The following HAUS2 variants were observed in gnomAD, a reference collection of about 807,000 sequenced individuals.
HAUS2 encodes the protein HAUS augmin like complex subunit 2.
In HAUS2, 20 loss-of-function variants were observed where a neutral mutation model predicts 21.6. The observed-to-expected ratio is 0.93, with a 90% CI of 0.65 to 1.35. The LOEUF (loss-of-function observed/expected upper bound fraction) is 1.35, where lower values mean the gene tolerates loss of function less well. HAUS2 is among the 40% of genes most tolerant of loss of function. The pLI is 0.00. For synonymous variants in HAUS2, 113 were observed against 95.6 expected, an observed-to-expected ratio of 1.18 and a Z score of -1.06; for missense variants, 297 against 280.7, an observed-to-expected ratio of 1.06 and a Z score of -0.42.
At chr15:42,555,755 G>C (rs2057766391) in intron 1 of HAUS2, among the ~76,000 whole-genome samples, 1 of 152,080 alleles carries the variant, frequency 6.6e-6, no homozygotes, top group African/African-American at 2.4e-5. Context: ...TCATAAAATT[G>C]ATTATTTTTG....
chr15:42,556,098 G>A (rs965412803), intron 1 of HAUS2, among the ~76,000 whole-genome samples: 2 of 150,608 alleles, frequency 1.3e-5, no homozygotes, highest in Middle Eastern at 3.2e-3. Flanking sequence ...TGGGATTACA[G>A]GCGCCTGCCA....
chr15:42,548,921 G>C lies in HAUS2; in HGVS notation c.49G>C (p.Gly17Arg). 6.4e-7 allele frequency: 1 copy of C among 1,552,066 alleles called. No individual in the cohort carries two copies. Among genetic ancestry groups the C allele is most frequent in the Non-Finnish European group, 8.7e-7 (1 of 1,147,140 alleles). ...WDPASAPNGA[G>R]LVLGHFIASG... The stretch of plus-strand genomic sequence containing the variant: ...CCCGGCGTCCGCGCCTAACGGCGCT[G>C]GGCTAGTGCTAGGCCACTTCATAGC... Residue 17 changes from glycine to arginine, a missense_variant, in exon 1 of 6, where the codon GGG becomes CGG. Transcript: ENST00000260372.
Position 42,558,087 on chromosome 15 carries a change from G to A in HAUS2, c.94-111G>A, listed in dbSNP as rs537498284. ...TTTACTTTGTACTTCATGTTCAAAG[G>A]CAGTGTTGAACATAATATTTTCTCA... On this transcript the variant is annotated intron_variant, in intron 1 of 5. Transcript: ENST00000260372. The A allele has an allele frequency of 3.0e-4, 178 of 603,194 alleles. 3 individuals carry two copies. In the South Asian group the frequency reaches 3.5e-3, roughly 12 times the overall value. The allele number at this position is 603,194 out of a possible 1,614,324, so 37.4% of individuals were successfully genotyped here.
chr15:42,566,465 A>C, intron 5 of HAUS2, 142 bp from the exon 6 acceptor site: 1 of 612,704 alleles, frequency 1.6e-6, no homozygotes, highest in Non-Finnish European at 2.9e-6. Context: ...TACTGTAAGA[A>C]GTGGGAAAGC....
rs192256074 is a variant in HAUS2 at position 42,567,101 on chromosome 15, T to A, written c.*285T>A. 41 of 270,424 alleles carry A rather than the reference T, an allele frequency of 1.5e-4. No individual in the cohort carries two copies. The highest frequency in any genetic ancestry group is 7.8e-4 in the African/African-American group (34 of 43,710). The allele number at this position is 270,424 out of a possible 1,614,324, so 16.8% of individuals were successfully genotyped here. On this transcript the variant is annotated 3_prime_UTR_variant, in exon 6 of 6. Transcript: ENST00000260372. ...TCTCAGGTGGGAAATTCTCTTTTTT[T>A]AAAAATGTGTGTTTATCGTCTGGTG...
At chr15:42,562,968 C>T (rs1285589420) in intron 4 of HAUS2, among the ~76,000 whole-genome samples, 3 of 152,022 alleles carry the variant, frequency 2.0e-5, no homozygotes, top group African/African-American at 7.3e-5. Flanking sequence ...CAAAAATTAA[C>T]TGAATATAGT....
At chr15:42,564,575 A>G (rs1467112447) in intron 5 of HAUS2, among the ~76,000 whole-genome samples, 1 of 152,200 alleles carries the variant, frequency 6.6e-6, no homozygotes, top group Non-Finnish European at 1.5e-5. Context: ...CCATCTATTG[A>G]GCATAGAAAA....
chr15:42,553,068 C>T (rs113421622), intron 1 of HAUS2, among the ~76,000 whole-genome samples: 7,014 of 150,688 alleles, frequency 0.047, 548 homozygotes, highest in African/African-American at 0.16. Flanking sequence ...CTCACCACAA[C>T]CTCCGCCTCC....
At chr15:42,554,568 G>A (rs2057753709) in intron 1 of HAUS2, among the ~76,000 whole-genome samples, 2 of 150,282 alleles carry the variant, frequency 1.3e-5, no homozygotes, top group Non-Finnish European at 3.0e-5. Flanking sequence ...ACAGCTTACT[G>A]CAGCCTCAGC....
At chr15:42,553,207 G>C (rs534516070) in intron 1 of HAUS2, among the ~76,000 whole-genome samples, 3 of 152,010 alleles carry the variant, frequency 2.0e-5, no homozygotes, top group African/African-American at 7.2e-5. Flanking sequence ...GGCAGTTCTC[G>C]AACTCCTGAC....
In HAUS2 at chr15:42,566,587, T is replaced by A. The variant is rs763645505; in HGVS notation, c.499-20T>A. On this transcript the variant is annotated intron_variant, in intron 5 of 5. Transcript: ENST00000260372. ...AATAAGAGACATAATTTCTCCTGTT[T>A]CCCTTTTCAAATGTTACAGAACCAG... The A allele has an allele frequency of 1.2e-5, 16 of 1,327,232 alleles. No individual in the cohort carries two copies. The South Asian group carries it at 1.9e-4, about 16-fold the overall frequency. 82.2% of individuals were successfully genotyped at this position (1,327,232 alleles called of 1,614,324 possible). A position where few individuals can be genotyped will look rare whatever the true frequency, so the allele number is the denominator to read the frequency against.
chr15:42,563,865 T>A lies in HAUS2; in HGVS notation c.498+8T>A. ...GCAAATCTAAAGAAAATGGTGAGTATTAATATAGCAATCTTCAGTTATTTT... is the reference window on the plus strand; with the variant it reads ...GCAAATCTAAAGAAAATGGTGAGTAATAATATAGCAATCTTCAGTTATTTT... On this transcript the variant is annotated splice_region_variant and intron_variant, in intron 5 of 5. Coordinates refer to ENST00000260372, the MANE Select transcript of HAUS2 (RefSeq NM_018097.3). 8.4e-7 allele frequency: 1 copy of A among 1,188,644 alleles called. No homozygotes were observed. Among genetic ancestry groups the A allele is most frequent in the Non-Finnish European group, 1.2e-6 (1 of 808,102 alleles). 73.6% of individuals were successfully genotyped at this position (1,188,644 alleles called of 1,614,324 possible).
Position 42,563,793 on chromosome 15 carries a change from G to A in HAUS2, c.434G>A (p.Arg145Lys). ...GAGTTGGCTGTGACTTTCATTGAGA[G>A]ATTAGAAACCCACCTTGAAACAATT... ...LLELAVTFIE[R>K]LETHLETIRN... The change falls in exon 5 of 6, where the codon AGA (arginine) becomes AAA (lysine). Residue 145 changes from arginine (R) to lysine (K), a missense_variant. By Grantham distance (26) the Arg-to-Lys change is conservative. Coordinates refer to ENST00000260372, the MANE Select transcript of HAUS2 (RefSeq NM_018097.3). The A allele has an allele frequency of 6.3e-7, 1 of 1,583,658 alleles. No homozygotes were observed. The highest frequency in any genetic ancestry group is 8.6e-7 in the Non-Finnish European group (1 of 1,158,114).
At position 42,568,099 on chromosome 15, in the gene HAUS2, G is replaced by A. The variant is rs2057924161; in HGVS notation, c.*1283G>A. The A allele has an allele frequency of 6.6e-6, 1 of 152,058 alleles. No homozygotes were observed. Among genetic ancestry groups the A allele is most frequent in the African/African-American group, 2.4e-5 (1 of 41,400 alleles). 9.4% of individuals were successfully genotyped at this position (152,058 alleles called of 1,614,324 possible). A position where few individuals can be genotyped will look rare whatever the true frequency, so the allele number is the denominator to read the frequency against. On this transcript the variant is annotated 3_prime_UTR_variant, in exon 6 of 6. Transcript: ENST00000260372. ...CTATGATGATTATTCCTGTGGGAAT[G>A]TCACTAAGTATGCAGAAAAGAGTAA...
chr15:42,555,288 C>G (rs1032372779), intron 1 of HAUS2, among the ~76,000 whole-genome samples: 1 of 151,910 alleles, frequency 6.6e-6, no homozygotes, highest in Non-Finnish European at 1.5e-5. Flanking sequence ...GCCCGGCTGC[C>G]TGGCTAATTT....
chr15:42,566,194 C>A (rs936190654), intron 5 of HAUS2, among the ~76,000 whole-genome samples: 1 of 149,936 alleles, frequency 6.7e-6, no homozygotes, highest in Non-Finnish European at 1.5e-5. Flanking sequence ...GAGTGAGACA[C>A]CATCTCAAAA....
At chr15:42,556,943 C>G (rs1035629109) in intron 1 of HAUS2, among the ~76,000 whole-genome samples, 2 of 151,564 alleles carry the variant, frequency 1.3e-5, no homozygotes, top group Non-Finnish European at 2.9e-5. Context: ...ATTTGGGAAG[C>G]TAAGGCAGGA....
At chr15:42,561,573 C>G (rs1299861270) in intron 4 of HAUS2, 171 bp downstream of exon 4, 1 of 505,768 alleles carries the variant, frequency 2.0e-6, no homozygotes, top group Non-Finnish European at 3.5e-6. Context: ...AACCATTATA[C>G]CTATGGCAAA....
At chr15:42,559,684 A>T (rs1420124173) in intron 3 of HAUS2, among the ~76,000 whole-genome samples, 1 of 152,224 alleles carries the variant, frequency 6.6e-6, no homozygotes, top group Non-Finnish European at 1.5e-5. Context: ...CTAAAGGGAC[A>T]TGACAACTAA....
Sources: allele counts gnomAD v4.1 joint callset (sites outside exome capture counted in the v4.1 genomes callset), GRCh38; gene constraint gnomAD v4.1.1; transcripts MANE v1.5; gene names NCBI Gene and HGNC (gene_info 2026-07-23, HGNC 2026-07-21).